The following NPR3 variants were observed in gnomAD, a reference collection of about 807,000 sequenced individuals.
The protein encoded by NPR3 is atrial natriuretic peptide receptor 3.
Under a neutral mutation model 54.5 loss-of-function variants are expected in NPR3, and 34 were observed. The ratio of observed to expected loss-of-function variants is 0.62; its 90% CI spans 0.47 to 0.83. The LOEUF is 0.83. Among genes scored for constraint, NPR3 ranks in the 40% least tolerant of loss-of-function variants. The probability of loss-of-function intolerance (pLI) is 0.00; values close to 1 mark genes in which losing one functional copy is unlikely to be tolerated. For missense variants in NPR3, 674 were observed against 720.8 expected (o/e 0.94, Z 0.74); for synonymous variants, 289 against 297.1 (o/e 0.97, Z 0.28).
chr5:32,703,875 G>A (rs944347336), intron 1 of NPR3, among the ~76,000 whole-genome samples: 2 of 152,214 alleles, frequency 1.3e-5, no homozygotes, highest in African/African-American at 4.8e-5. Flanking sequence ...GTCTCACTAG[G>A]TCATGTGTCC....
intron 1 of NPR3, among the ~76,000 whole-genome samples, chr5:32,717,451 T>G (rs1206510897): frequency 1.3e-5 from 2 of 152,172 alleles, no homozygotes; most frequent in African/African-American, 4.8e-5. Flanking sequence ...ATGGTTGAAC[T>G]ATAATTTACA....
chr5:32,740,611 A>T (rs1327688110), intron 3 of NPR3, among the ~76,000 whole-genome samples: 1 of 152,106 alleles, frequency 6.6e-6, no homozygotes, highest in African/African-American at 2.4e-5. Flanking sequence ...AAAAAGTGAA[A>T]AAAAAAACCC....
At chr5:32,692,577 G>T (rs1049638747) in intron 1 of NPR3, among the ~76,000 whole-genome samples, 9 of 152,192 alleles carry the variant, frequency 5.9e-5, no homozygotes, top group African/African-American at 1.9e-4. Flanking sequence ...CAAATGTCAA[G>T]AATTTTCCTG....
chr5:32,758,874 T>C (rs1178745677), intron 3 of NPR3, among the ~76,000 whole-genome samples: 2 of 152,216 alleles, frequency 1.3e-5, no homozygotes, highest in Non-Finnish European at 2.9e-5. Flanking sequence ...CAGTAGTCAT[T>C]CAGGAGCAGG....
upstream of NPR3, among the ~76,000 whole-genome samples, chr5:32,708,970 C>A (rs1352232726): frequency 1.3e-5 from 2 of 151,116 alleles, no homozygotes; most frequent in East Asian, 3.9e-4. Flanking sequence ...CCTTCCGCAG[C>A]TTGGTCTTGT....
Position 32,790,530 on chromosome 5 carries a change from C to T in NPR3, c.*4185C>T, listed in dbSNP as rs921572281. 6.0e-6 allele frequency: 1 copy of T among 166,572 alleles called. No individual in the cohort carries two copies. The highest frequency in any genetic ancestry group is 6.5e-5 in the Admixed American group (1 of 15,282). 10.3% of individuals were successfully genotyped at this position (166,572 alleles called of 1,614,324 possible). A position where few individuals can be genotyped will look rare whatever the true frequency, so the allele number is the denominator to read the frequency against. On this transcript the variant is annotated 3_prime_UTR_variant, in exon 8 of 8. Coordinates refer to ENST00000265074, the MANE Select transcript of NPR3 (RefSeq NM_001204375.2). ...CCTTATGCTAACCTGACCACACTTG[C>T]TCTCGGGGAAGTTCAAGCCTGTGAT...
chr5:32,759,658 T>C (rs940973502), intron 3 of NPR3, among the ~76,000 whole-genome samples: 7 of 152,066 alleles, frequency 4.6e-5, no homozygotes, highest in Non-Finnish European at 1.0e-4. Flanking sequence ...TTATGTTAGC[T>C]GGTTATTTTG....
chr5:32,753,796 G>A (rs1416636681), intron 3 of NPR3, among the ~76,000 whole-genome samples: 1 of 152,154 alleles, frequency 6.6e-6, no homozygotes, highest in Non-Finnish European at 1.5e-5. Flanking sequence ...AGTCACAGGA[G>A]ATGAGAGTGT....
chr5:32,723,543 G>A (rs1208464247), intron 1 of NPR3, among the ~76,000 whole-genome samples: 1 of 152,192 alleles, frequency 6.6e-6, no homozygotes, highest in African/African-American at 2.4e-5. Flanking sequence ...CCTCTGATTT[G>A]CTAAGTGAAT....
In NPR3 at chr5:32,691,673, A is replaced by G. The variant is rs530875286; in HGVS notation, c.100+2487A>G. Among the ~76,000 whole-genome samples the G allele has an allele frequency of 2.0e-5, 3 of 152,368 alleles. No homozygotes were observed. The East Asian group carries it at 5.8e-4, about 29-fold the overall frequency. On this transcript the variant is annotated intron_variant, in intron 1 of 5. Coordinates refer to the NPR3 transcript ENST00000509104. ...TTTTGCAGAGTAATCTGGCTGTACTAAGTAAAATAAAACACATATACCTTT... is the reference window on the plus strand; with the variant it reads ...TTTTGCAGAGTAATCTGGCTGTACTGAGTAAAATAAAACACATATACCTTT...
At position 32,787,027 on chromosome 5, in the gene NPR3, A is replaced by G. The variant is rs562894167; in HGVS notation, c.*682A>G. On this transcript the variant is annotated 3_prime_UTR_variant, in exon 8 of 8. Coordinates refer to ENST00000265074, the MANE Select transcript of NPR3 (RefSeq NM_001204375.2). Reference sequence around the variant, plus strand: ...TCAAAAATATTTCCTTTTTGATGTAAAAAAAAAAAGCCCTATTTCGCACTA... The same window carrying G: ...TCAAAAATATTTCCTTTTTGATGTAGAAAAAAAAAGCCCTATTTCGCACTA... The G allele has an allele frequency of 6.7e-6, 1 of 148,772 alleles. No individual in the cohort carries two copies. The highest frequency in any genetic ancestry group is 1.9e-4 in the East Asian group (1 of 5,132). The allele number at this position is 148,772 out of a possible 1,614,324, so 9.2% of individuals were successfully genotyped here. A position where few individuals can be genotyped will look rare whatever the true frequency, so the allele number is the denominator to read the frequency against.
At chr5:32,745,069 C>T (rs912193640) in intron 3 of NPR3, among the ~76,000 whole-genome samples, 1 of 152,160 alleles carries the variant, frequency 6.6e-6, no homozygotes, top group Non-Finnish European at 1.5e-5. Context: ...GGTGGGGTGG[C>T]CTTTCCAAAT....
intron 1 of NPR3, among the ~76,000 whole-genome samples, chr5:32,691,178 G>A (rs1268191288): frequency 6.6e-6 from 1 of 152,194 alleles, no homozygotes; most frequent in Non-Finnish European, 1.5e-5. Context: ...GAGACATCCT[G>A]GATATTGTTC....
At chr5:32,717,837 T>C (rs1738639125) in intron 1 of NPR3, among the ~76,000 whole-genome samples, 1 of 146,054 alleles carries the variant, frequency 6.8e-6, no homozygotes, top group Non-Finnish European at 1.5e-5. Context: ...TTTCTTTTGC[T>C]GTGCAGAAGC....
chr5:32,699,993 C>T (rs1740627676), intron 1 of NPR3, among the ~76,000 whole-genome samples: 1 of 152,028 alleles, frequency 6.6e-6, no homozygotes, highest in South Asian at 2.1e-4. Flanking sequence ...AAGTTTTTTC[C>T]TTCAGCACTT....
rs185230995 is a variant in NPR3, at chr5:32,759,984, C to T, written c.1060-14724C>T. ...TTCTGCTGAGAGATTCGCTGTTAGT[C>T]TGATGGGCTTCCCTTTGTGGGTTAC... On this transcript the variant is annotated intron_variant, in intron 3 of 7. Transcript: ENST00000265074. Among the ~76,000 whole-genome samples, 4 of 152,234 alleles carry T rather than the reference C, an allele frequency of 2.6e-5. No homozygotes were observed. The East Asian group carries it at 7.7e-4, about 29-fold the overall frequency.
chr5:32,777,770 T>A (rs1156345432), intron 4 of NPR3, among the ~76,000 whole-genome samples: 1 of 152,072 alleles, frequency 6.6e-6, no homozygotes, highest in African/African-American at 2.4e-5. Flanking sequence ...AGACAGATTG[T>A]AGTTCATGGG....
rs901290597 is a variant in NPR3 at position 32,734,201 on chromosome 5, G to C, written c.893-4663G>C. On this transcript the variant is annotated intron_variant, in intron 2 of 7. Coordinates refer to ENST00000265074, the MANE Select transcript of NPR3 (RefSeq NM_001204375.2). ...ACAGTGGGTCGTTTGGAGAGGGTGG[G>C]GGTAAGCCAAGGAAGGCAGATATTT... Among the ~76,000 whole-genome samples the C allele has an allele frequency of 7.2e-5, 11 of 152,136 alleles. 1 individual carries two copies. Among genetic ancestry groups the C allele is most frequent in the Non-Finnish European group, 1.6e-4 (11 of 68,032 alleles).
intron 1 of NPR3, among the ~76,000 whole-genome samples, chr5:32,699,710 A>C (rs118004013): frequency 1.3e-5 from 2 of 152,242 alleles, no homozygotes. Context: ...TCTACTCGAC[A>C]TGAGTAGTTT....
Sources: gnomAD v4.1 joint callset for allele counts (sites outside exome capture counted in the v4.1 genomes callset) on GRCh38, gnomAD v4.1.1 for gene constraint, MANE v1.5 for transcripts, NCBI Gene and HGNC (gene_info 2026-07-23, HGNC 2026-07-21) for gene names.